Variants in PRORP observed in about 807,000 individuals in gnomAD.
PRORP encodes protein only RNase P catalytic subunit.
Under a neutral mutation model 59.4 loss-of-function variants are expected in PRORP, and 51 were observed. The observed-to-expected ratio is 0.86, with a 90% CI of 0.69 to 1.08. The LOEUF (loss-of-function observed/expected upper bound fraction) is 1.08, where lower values mean the gene tolerates loss of function less well. PRORP is among the 50% of genes least tolerant of loss of function. The probability of loss-of-function intolerance (pLI) is 0.00; values close to 1 mark genes in which losing one functional copy is unlikely to be tolerated. For missense variants in PRORP, 646 were observed against 690.3 expected, an observed-to-expected ratio of 0.94 and a Z score of 0.72; for synonymous variants, 231 against 245.6, an observed-to-expected ratio of 0.94 and a Z score of 0.55.
chr14:35,141,729 T>C (rs1331126770), intron 4 of PRORP, among the ~76,000 whole-genome samples: 1 of 144,768 alleles, frequency 6.9e-6, no homozygotes, highest in Non-Finnish European at 1.5e-5. Context: ...CATGACCACT[T>C]TTTTTTTGAC....
chr14:35,190,685 T>C (rs537117237), intron 5 of PRORP, among the ~76,000 whole-genome samples: 1 of 152,066 alleles, frequency 6.6e-6, no homozygotes, highest in South Asian at 2.1e-4. Context: ...TATGTATTTT[T>C]AGTAGAGGCG....
chr14:35,255,440 T>C (rs2050727098), intron 5 of PRORP, among the ~76,000 whole-genome samples: 1 of 152,198 alleles, frequency 6.6e-6, no homozygotes, highest in East Asian at 1.9e-4. Flanking sequence ...GGAATAACTG[T>C]TTTTTTATAT....
chr14:35,192,767 G>A (rs781348400), intron 5 of PRORP, among the ~76,000 whole-genome samples: 2 of 152,164 alleles, frequency 1.3e-5, no homozygotes, highest in South Asian at 2.1e-4. Context: ...ACCAAGGAGG[G>A]TGGATCACCT....
At chr14:35,153,146 G>A (rs931467877) in intron 4 of PRORP, among the ~76,000 whole-genome samples, 1 of 152,364 alleles carries the variant, frequency 6.6e-6, no homozygotes, top group Admixed American at 6.5e-5. Context: ...CCGGCACCTC[G>A]GGAGGCCGAG....
chr14:35,227,467 A>T (rs1388502948), intron 5 of PRORP, among the ~76,000 whole-genome samples: 3 of 151,964 alleles, frequency 2.0e-5, no homozygotes, highest in Admixed American at 6.6e-5. Flanking sequence ...TTATGTTATG[A>T]CAATACAACA....
chr14:35,147,057 C>G (rs2047629413), intron 4 of PRORP, among the ~76,000 whole-genome samples: 2 of 152,058 alleles, frequency 1.3e-5, no homozygotes, highest in African/African-American at 4.8e-5. Flanking sequence ...GTGATTGTGC[C>G]ACTGAACTCC....
chr14:35,185,848 G>A (rs2048726499), intron 5 of PRORP, among the ~76,000 whole-genome samples: 1 of 152,162 alleles, frequency 6.6e-6, no homozygotes, highest in African/African-American at 2.4e-5. Flanking sequence ...ATATGAAAGT[G>A]TATACTTACA....
chr14:35,197,296 G>C (rs1314241089), intron 5 of PRORP, among the ~76,000 whole-genome samples: 1 of 152,068 alleles, frequency 6.6e-6, no homozygotes, highest in Non-Finnish European at 1.5e-5. Context: ...GTGGTAGGAA[G>C]AGGCCACTTA....
intron 5 of PRORP, among the ~76,000 whole-genome samples, chr14:35,213,903 A>C (rs1374947576): frequency 1.3e-5 from 2 of 152,242 alleles, no homozygotes; most frequent in African/African-American, 4.8e-5. Flanking sequence ...GTGCTGTTGG[A>C]AAAATGGTAC....
At chr14:35,129,635 C>T (rs1325659709) in intron 4 of PRORP, among the ~76,000 whole-genome samples, 2 of 151,952 alleles carry the variant, frequency 1.3e-5, no homozygotes, top group Non-Finnish European at 2.9e-5. Flanking sequence ...CCACCATGCC[C>T]AGCAAATTTT....
At chr14:35,265,996 T>TGA (rs1342805108) in intron 5 of PRORP, among the ~76,000 whole-genome samples, 1 of 136,504 alleles carries the variant, frequency 7.3e-6, no homozygotes, top group Non-Finnish European at 1.5e-5. Flanking sequence ...GGCAGGATCG[T>TGA]GAGATCCCAT....
intron 4 of PRORP, among the ~76,000 whole-genome samples, chr14:35,179,035 G>T (rs529378481): frequency 1.0e-3 from 152 of 152,206 alleles, no homozygotes; most frequent in Non-Finnish European, 3.1e-4. Context: ...TCTGGGTTGA[G>T]AATTCTTTTC....
intron 4 of PRORP, chr14:35,158,547 T>G (rs2047977552): frequency 4.1e-6 from 1 of 245,366 alleles, no homozygotes; most frequent in Non-Finnish European, 8.6e-6. Flanking sequence ...TCATTATCTG[T>G]TTTAAAGTTA....
intron 4 of PRORP, among the ~76,000 whole-genome samples, chr14:35,151,861 T>C (rs2047758769): frequency 6.6e-6 from 1 of 152,100 alleles, no homozygotes; most frequent in African/African-American, 2.4e-5. Flanking sequence ...AGTGTCAGGC[T>C]AAGATCTTTG....
intron 5 of PRORP, among the ~76,000 whole-genome samples, chr14:35,181,783 C>CA (rs71121270): frequency 0.21 from 23,336 of 108,864 alleles, 2,986 homozygotes; most frequent in Non-Finnish European, 0.29. Flanking sequence ...AAAACTGTCT[C>CA]AAAAAAAAAA....
intron 7 of PRORP, among the ~76,000 whole-genome samples, chr14:35,272,649 A>G (rs1023846421): frequency 1.3e-5 from 2 of 152,226 alleles, no homozygotes; most frequent in Admixed American, 1.3e-4. Flanking sequence ...AAGAAATTAC[A>G]TATCTGAGAT....
chr14:35,143,058 C>T (rs1412526317), intron 4 of PRORP, among the ~76,000 whole-genome samples: 1 of 145,776 alleles, frequency 6.9e-6, no homozygotes, highest in Non-Finnish European at 1.5e-5. Context: ...TTTTCGTGTA[C>T]TTTAAGAAAT....
intron 5 of PRORP, among the ~76,000 whole-genome samples, chr14:35,196,029 C>T (rs2048999848): frequency 6.6e-6 from 1 of 152,286 alleles, no homozygotes; most frequent in African/African-American, 2.4e-5. Context: ...AAGCTTCTCC[C>T]TAGGGAATCT....
At chr14:35,209,402 A>G (rs980066958) in intron 5 of PRORP, among the ~76,000 whole-genome samples, 6 of 152,182 alleles carry the variant, frequency 3.9e-5, no homozygotes, top group Non-Finnish European at 8.8e-5. Context: ...TAGCAGACAA[A>G]TTTCCTAATA....
Sources: gnomAD v4.1 joint callset for allele counts (sites outside exome capture counted in the v4.1 genomes callset) on GRCh38, gnomAD v4.1.1 for gene constraint, MANE v1.5 for transcripts, NCBI Gene and HGNC (gene_info 2026-07-23, HGNC 2026-07-21) for gene names.